Variants in EYA1 observed in about 807,000 individuals in gnomAD.
The protein encoded by EYA1 is protein phosphatase EYA1.
In EYA1, 16 loss-of-function variants were observed where a neutral mutation model predicts 82.0. The ratio of observed to expected loss-of-function variants is 0.20; its 90% CI spans 0.13 to 0.30. The LOEUF (loss-of-function observed/expected upper bound fraction) is 0.30. Among genes scored for constraint, EYA1 ranks in the 10% least tolerant of loss-of-function variants. The probability of loss-of-function intolerance (pLI) is 1.00; values close to 1 mark genes in which losing one functional copy is unlikely to be tolerated. For missense variants in EYA1, 633 were observed against 730.7 expected, an observed-to-expected ratio of 0.87 and a Z score of 1.54; for synonymous variants, 261 against 264.4, an observed-to-expected ratio of 0.99 and a Z score of 0.12.
At chr8:71,366,873 C>A (rs150156352), upstream of EYA1, among the ~76,000 whole-genome samples, 1 of 151,698 alleles carries the variant, frequency 6.6e-6, no homozygotes, top group Non-Finnish European at 1.5e-5. Flanking sequence ...AGGTGATAGC[C>A]CATAAAGTTA....
chr8:71,371,150 A>T (rs145127664), intron 2 of EYA1, among the ~76,000 whole-genome samples: 1 of 152,320 alleles, frequency 6.6e-6, no homozygotes, highest in African/African-American at 2.4e-5. Flanking sequence ...AGGATTGGGT[A>T]CAAGTCAGTA....
intron 2 of EYA1, among the ~76,000 whole-genome samples, chr8:71,452,306 G>A (rs954937390): frequency 2.0e-5 from 3 of 152,236 alleles, no homozygotes; most frequent in Admixed American, 1.3e-4. Flanking sequence ...CACAGCTCAA[G>A]GAGGCCTGCC....
chr8:71,460,779 C>G (rs1808304311), intron 2 of EYA1, among the ~76,000 whole-genome samples: 2 of 152,160 alleles, frequency 1.3e-5, no homozygotes. Flanking sequence ...GAAACTGTTT[C>G]TGTAGATATG....
chr8:71,490,593 G>A (rs902601890), intron 2 of EYA1, among the ~76,000 whole-genome samples: 4 of 151,952 alleles, frequency 2.6e-5, no homozygotes, highest in African/African-American at 7.3e-5. Flanking sequence ...AAAATTATTC[G>A]AGGAGCTGAA....
intron 3 of EYA1, among the ~76,000 whole-genome samples, chr8:71,341,340 A>G (rs1378435250): frequency 2.6e-5 from 4 of 152,166 alleles, no homozygotes; most frequent in Non-Finnish European, 5.9e-5. Flanking sequence ...GGATTCAATG[A>G]CAGTATCACT....
At chr8:71,340,086 C>G (rs1169498061) in intron 3 of EYA1, among the ~76,000 whole-genome samples, 1 of 152,176 alleles carries the variant, frequency 6.6e-6, no homozygotes, top group African/African-American at 2.4e-5. Flanking sequence ...AGCCTCTACT[C>G]TCCCTGCTTT....
At chr8:71,367,585 C>T (rs1827832341) in intron 2 of EYA1, among the ~76,000 whole-genome samples, 1 of 150,470 alleles carries the variant, frequency 6.6e-6, no homozygotes, top group African/African-American at 2.4e-5. Flanking sequence ...ACCTCTAAAG[C>T]TGTTTTAGAC....
chr8:71,330,879 G>GCATA (rs1823765184), intron 4 of EYA1, among the ~76,000 whole-genome samples: 1 of 147,760 alleles, frequency 6.8e-6, no homozygotes, highest in Non-Finnish European at 1.5e-5. Context: ...GTGTGTGTAT[G>GCATA]CATACGCATA....
Position 71,199,443 on chromosome 8 carries a change from T to C in EYA1, c.1699-23A>G, listed in dbSNP as rs10090382. The C allele has an allele frequency of 0.34, 538,592 of 1,586,846 alleles. 98,811 individuals carry two copies. The highest frequency in any genetic ancestry group is 0.78 in the East Asian group (34,729 of 44,466). On this transcript the variant is annotated intron_variant, in intron 17 of 17. Transcript: ENST00000340726. ...GTGCTGCAGCAGAGGCACACATACA[T>C]GTGAGGACAGAGCACCCAGCGCCAG...
chr8:71,445,406 A>G (rs887524318), intron 2 of EYA1, among the ~76,000 whole-genome samples: 1 of 152,216 alleles, frequency 6.6e-6, no homozygotes, highest in Non-Finnish European at 1.5e-5. Flanking sequence ...TATTTTGAAT[A>G]AAAACTATCG....
chr8:71,239,206 G>A (rs1400807512), intron 12 of EYA1, among the ~76,000 whole-genome samples: 2 of 151,932 alleles, frequency 1.3e-5, no homozygotes, highest in Admixed American at 1.3e-4. Flanking sequence ...AACTCAATAC[G>A]CATTTATTAT....
intron 2 of EYA1, among the ~76,000 whole-genome samples, chr8:71,408,274 A>T (rs1830386393): frequency 6.6e-6 from 1 of 152,152 alleles, no homozygotes; most frequent in South Asian, 2.1e-4. Context: ...AATCATGCCA[A>T]AATGTAAAGG....
At chr8:71,347,645 T>G (rs1173948377) in intron 3 of EYA1, among the ~76,000 whole-genome samples, 1 of 152,296 alleles carries the variant, frequency 6.6e-6, no homozygotes, top group Admixed American at 6.5e-5. Context: ...ACTCAAAAAC[T>G]TAGTCAATGC....
intron 9 of EYA1, among the ~76,000 whole-genome samples, chr8:71,285,791 T>C (rs1164637967): frequency 6.6e-6 from 1 of 152,250 alleles, no homozygotes; most frequent in Admixed American, 6.5e-5. Flanking sequence ...CTGGTTCTTA[T>C]TGTTTTTGCA....
chr8:71,202,127 G>A (rs777195353), intron 17 of EYA1, among the ~76,000 whole-genome samples: 1 of 152,064 alleles, frequency 6.6e-6, no homozygotes, highest in Non-Finnish European at 1.5e-5. Flanking sequence ...ATTGTCTGAG[G>A]TTCCATATGT....
chr8:71,507,269 C>T (rs1478158319), intron 2 of EYA1, among the ~76,000 whole-genome samples: 1 of 152,146 alleles, frequency 6.6e-6, no homozygotes, highest in African/African-American at 2.4e-5. Context: ...GTGTTACAGC[C>T]TAAATTTAAC....
At position 71,535,778 on chromosome 8, in the gene EYA1, G is replaced by T. The variant is rs1739538069; in HGVS notation, c.-2C>A. ...ATTTATCCCCCGGGGGTCTTCCATT[G>T]AAGACTTCTTCTGAATTATGTATGG... On this transcript the variant is annotated 5_prime_UTR_variant, in exon 2 of 19. Transcript: ENST00000643681. 2.0e-6 allele frequency: 3 copies of T among 1,515,594 alleles called. No homozygotes were observed. The Admixed American group carries it at 6.2e-5, about 31-fold the overall frequency. 93.9% of individuals were successfully genotyped at this position (1,515,594 alleles called of 1,614,324 possible). A position where few individuals can be genotyped will look rare whatever the true frequency, so the allele number is the denominator to read the frequency against.
At chr8:71,392,774 A>G (rs1258490504) in intron 2 of EYA1, among the ~76,000 whole-genome samples, 5 of 152,188 alleles carry the variant, frequency 3.3e-5, no homozygotes, top group African/African-American at 1.2e-4. Context: ...ACTTACCAAA[A>G]AAGAGGTTGT....
intron 2 of EYA1, among the ~76,000 whole-genome samples, chr8:71,534,682 C>T (rs561692577): frequency 9.9e-5 from 15 of 152,158 alleles, no homozygotes; most frequent in Admixed American, 2.0e-4. Context: ...TGTTCTCACT[C>T]GTAAGTGGGA....
Sources: gnomAD v4.1 joint callset for allele counts (sites outside exome capture counted in the v4.1 genomes callset) on GRCh38, gnomAD v4.1.1 for gene constraint, MANE v1.5 for transcripts, NCBI Gene and HGNC (gene_info 2026-07-23, HGNC 2026-07-21) for gene names.